The following ARID3A variants were observed in gnomAD, a reference collection of about 807,000 sequenced individuals.
The protein encoded by ARID3A is AT-rich interactive domain-containing protein 3A.
ARID3A carries 11 observed loss-of-function variants against 52.7 expected under a neutral mutation model. The ratio of observed to expected loss-of-function variants is 0.21; its 90% CI spans 0.13 to 0.35. The LOEUF (loss-of-function observed/expected upper bound fraction) is 0.35, where lower values mean the gene tolerates loss of function less well. ARID3A is among the 10% of genes least tolerant of loss of function. The pLI, the probability that ARID3A is intolerant of heterozygous loss-of-function variation, is 1.00. For missense variants in ARID3A, 721 were observed against 838.5 expected (o/e 0.86, Z 1.73); for synonymous variants, 404 against 359.4 (o/e 1.12, Z -1.40).
At chr19:951,449 C>T (rs746022927) in intron 3 of ARID3A, among the ~76,000 whole-genome samples, 7 of 151,826 alleles carry the variant, frequency 4.6e-5, no homozygotes, top group Admixed American at 6.6e-5. Context: ...CCCACCTAAT[C>T]GGGAGGCTGA....
chr19:938,954 G>A lies in ARID3A; in HGVS notation c.693+6212G>A, dbSNP rs1370798124. ...TCTTTTTTTTTTTTTTTTTTGAGAC[G>A]GAGTCTTGTTTTGTCACCCAGGCTG... On this transcript the variant is annotated intron_variant, in intron 3 of 8. Transcript: ENST00000263620. The surrounding 1 kb of genome is among the most constrained non-coding windows in gnomAD (Gnocchi z 4.0). Among the ~76,000 whole-genome samples, 1 of 137,426 alleles carries A rather than the reference G, an allele frequency of 7.3e-6. No individual in the cohort carries two copies. Among genetic ancestry groups the A allele is most frequent in the South Asian group, 2.3e-4 (1 of 4,392 alleles). 90.2% of individuals were successfully genotyped at this position (137,426 alleles called of 152,430 possible). A position where few individuals can be genotyped will look rare whatever the true frequency, so the allele number is the denominator to read the frequency against.
chr19:956,834 A>C (rs1029205054), intron 3 of ARID3A: 2 of 152,310 alleles, frequency 1.3e-5, no homozygotes, highest in African/African-American at 4.8e-5. Context: ...CTGCAGGGTG[A>C]TGGGGCCTTT....
rs1442217616 is a variant in ARID3A at position 954,817 on chromosome 19, C to T, written c.694-5275C>T. On this transcript the variant is annotated intron_variant, in intron 3 of 8. Transcript: ENST00000263620. ...AACAGCCGGGGCGAAGGCGGCCGCT[C>T]GGGGCTGATGGGGGGCGGTGGGGGT... Among the ~76,000 whole-genome samples, 40 of 111,542 alleles carry T rather than the reference C, an allele frequency of 3.6e-4. No homozygotes were observed. The Admixed American group carries it at 3.7e-3, about 10-fold the overall frequency. The allele number at this position is 111,542 out of a possible 152,430, so 73.2% of individuals were successfully genotyped here.
chr19:962,298 C>T (rs538714141), intron 4 of ARID3A, among the ~76,000 whole-genome samples: 1 of 152,088 alleles, frequency 6.6e-6, no homozygotes, highest in Non-Finnish European at 1.5e-5. Flanking sequence ...TCTCTGGGGG[C>T]TAGAAGTGAG....
At chr19:928,520 T>C (rs2037248080) in intron 1 of ARID3A, 1 of 152,016 alleles carries the variant, frequency 6.6e-6, no homozygotes. Flanking sequence ...CGTGGGAGGC[T>C]CTGTGGTCAC....
chr19:945,529 G>A (rs1243536040), intron 3 of ARID3A, among the ~76,000 whole-genome samples: 2 of 152,164 alleles, frequency 1.3e-5, no homozygotes, highest in Non-Finnish European at 2.9e-5. Context: ...TGACTCCTCC[G>A]AGGCTGCTGC....
chr19:929,202 A>C lies in ARID3A; in HGVS notation c.-267-60A>C. 6 of 169,750 alleles carry C rather than the reference A, an allele frequency of 3.5e-5. No homozygotes were observed. The highest frequency in any genetic ancestry group is 1.4e-4 in the East Asian group (1 of 7,352). The allele number at this position is 169,750 out of a possible 1,614,324, so 10.5% of individuals were successfully genotyped here. ...CTGATCCCCAGGGCCTTCATGGGGA[A>C]GGAAGGAGGGGGCTTGAGGAGCTCA... On this transcript the variant is annotated intron_variant, in intron 1 of 8. Coordinates refer to ENST00000263620, the MANE Select transcript of ARID3A (RefSeq NM_005224.3). The surrounding 1 kb of genome is among the most constrained non-coding windows in gnomAD (Gnocchi z 6.2).
intron 3 of ARID3A, among the ~76,000 whole-genome samples, chr19:948,358 T>C (rs2238576): frequency 0.24 from 36,535 of 151,966 alleles, 5,426 homozygotes; most frequent in East Asian, 0.5. Flanking sequence ...TCAGCTCTGC[T>C]GCCTCTGTCA....
At chr19:927,949 G>C (rs1224608042) in intron 1 of ARID3A, among the ~76,000 whole-genome samples, 1 of 152,168 alleles carries the variant, frequency 6.6e-6, no homozygotes. Flanking sequence ...TCTGGGTAAA[G>C]GGTGTCTAGG....
rs1433264132 is a variant in ARID3A, at chr19:964,862, G to A, written c.980G>A (p.Cys327Tyr). 1 of 1,614,008 alleles carries A rather than the reference G, an allele frequency of 6.2e-7. No individual in the cohort carries two copies. Among genetic ancestry groups the A allele is most frequent in the Non-Finnish European group, 8.5e-7 (1 of 1,180,002 alleles). The change falls in exon 6 of 9, where the codon TGT (cysteine) becomes TAT (tyrosine). Residue 327 changes from cysteine to tyrosine, a missense_variant. By Grantham distance (194) the Cys-to-Tyr change is radical. This residue lies in a region of ARID3A where 43 missense variants were observed against 143.7 expected (regional missense o/e 0.30). Transcript: ENST00000263620. This position sits in a 1 kb window ranked among gnomAD's most constrained non-coding sequence, Gnocchi z 5.7. ...QYMKYLYPYE[C>Y]EKRGLSNPNE... ...ATGAAGTACCTGTACCCCTACGAGT[G>A]TGAGAAGCGGGGCCTCAGTAACCCC... is the stretch of plus-strand genomic sequence containing the variant.
chr19:954,996 C>T (rs1039708278), intron 3 of ARID3A, among the ~76,000 whole-genome samples: 1 of 152,194 alleles, frequency 6.6e-6, no homozygotes, highest in Non-Finnish European at 1.5e-5. Context: ...TGCCCAATCT[C>T]CAGCCTGGGT....
intron 3 of ARID3A, among the ~76,000 whole-genome samples, chr19:956,241 G>A (rs985609552): frequency 3.9e-5 from 6 of 152,254 alleles, no homozygotes; most frequent in African/African-American, 1.4e-4. Context: ...TGGCAAGCTC[G>A]TCCTGTCCCC....
rs1326312666 is a variant in ARID3A at position 975,765 on chromosome 19, A to G, written c.*3700A>G. The G allele has an allele frequency of 2.0e-4, 5 of 25,096 alleles. No individual in the cohort carries two copies. The highest frequency in any genetic ancestry group is 1.3e-3 in the East Asian group (5 of 3,766). The allele number at this position is 25,096 out of a possible 1,614,324, so 1.6% of individuals were successfully genotyped here. ...AAAAAAAAAAAAGACAAAAAGACCA[A>G]AAAAAAAAAAAAGTGTGATTTTGAA... is the stretch of plus-strand genomic sequence containing the variant. On this transcript the variant is annotated 3_prime_UTR_variant, in exon 9 of 9. Coordinates refer to ENST00000263620, the MANE Select transcript of ARID3A (RefSeq NM_005224.3).
rs143689585 is a variant in ARID3A, at chr19:971,974, G to T, written c.1691G>T (p.Arg564Leu). The T allele has an allele frequency of 3.1e-6, 5 of 1,602,292 alleles. No homozygotes were observed. The African/African-American group carries it at 4.1e-5, about 13-fold the overall frequency. The change falls in exon 9 of 9, where the codon CGG becomes CTG. Residue 564 changes from arginine (R) to leucine (L), a missense_variant. Arg to Leu is a moderately radical substitution (Grantham distance 102). Around this residue, in one of 5 missense-constraint regions of ARID3A, gnomAD observed 297 missense variants for 343.2 expected, o/e 0.87. Coordinates refer to ENST00000263620, the MANE Select transcript of ARID3A (RefSeq NM_005224.3). Reference sequence around the variant, plus strand: ...GGCAGCAGCAGCAACGCAGGCGGCCGGGGAGGAAACACCGGAACCAGCGGC... The same window carrying T: ...GGCAGCAGCAGCAACGCAGGCGGCCTGGGAGGAAACACCGGAACCAGCGGC... ...GGGSSSNAGG[R>L]GGNTGTSGGQ...
At position 950,911 on chromosome 19, in the gene ARID3A, C is replaced by T. The variant is rs185433972; in HGVS notation, c.694-9181C>T. On this transcript the variant is annotated intron_variant, in intron 3 of 8. Transcript: ENST00000263620. ...GATCTCAGCTCACCACAACCTCTGC[C>T]TCCCGGGTTCAAACTATTCTCCTGC... Among the ~76,000 whole-genome samples, 263 of 152,214 alleles carry T rather than the reference C, an allele frequency of 1.7e-3. 2 individuals carry two copies. Among genetic ancestry groups the T allele is most frequent in the Middle Eastern group, 3.4e-3 (1 of 294 alleles).
At position 932,586 on chromosome 19, in the gene ARID3A, A is replaced by G. The variant is rs961966428; in HGVS notation, c.537A>G (p.Pro179=). 4.0e-6 allele frequency: 6 copies of G among 1,507,804 alleles called. No individual in the cohort carries two copies. The highest frequency in any genetic ancestry group is 2.0e-4 in the Middle Eastern group (1 of 5,116). 93.4% of individuals were successfully genotyped at this position (1,507,804 alleles called of 1,614,324 possible). ...CACTGTTCCCCCGAAAGGCCCAGCCACCCCAGGCCTTCCGCGGCGATGGCG... is the reference window on the plus strand; with the variant it reads ...CACTGTTCCCCCGAAAGGCCCAGCCGCCCCAGGCCTTCCGCGGCGATGGCG... The part of the protein sequence containing the change: ...TTALFPRKAQ[P]PQAFRGDGVP... The change falls in exon 3 of 9, where the codon CCA becomes CCG. Residue 179 remains proline (P), a synonymous_variant. Coordinates refer to ENST00000263620, the MANE Select transcript of ARID3A (RefSeq NM_005224.3).
At chr19:950,515 G>T (rs1306488689) in intron 3 of ARID3A, among the ~76,000 whole-genome samples, 2 of 125,324 alleles carry the variant, frequency 1.6e-5, no homozygotes, top group African/African-American at 8.3e-5. Context: ...GAGGGGTTCA[G>T]GGGGAGCAGC....
At chr19:949,523 C>T (rs1027477268) in intron 3 of ARID3A, among the ~76,000 whole-genome samples, 5 of 152,048 alleles carry the variant, frequency 3.3e-5, no homozygotes, top group Admixed American at 2.6e-4. Flanking sequence ...TCTTTTCCTT[C>T]TTCCTCCAAC....
rs1234538035 is a variant in ARID3A, at chr19:964,778, AAG to A, written c.951-50_951-49del. 4 of 1,576,792 alleles carry A rather than the reference AAG, an allele frequency of 2.5e-6. No homozygotes were observed. In the African/African-American group the frequency reaches 5.4e-5, roughly 21 times the overall value. ...GGGGTTTACTTTGTACTGAAGGCCA[AAG>A]AGAGCCGTAGGGGTGACCCGGGTGC... On this transcript the variant is annotated intron_variant, in intron 5 of 8. Transcript: ENST00000263620. The surrounding 1 kb of genome is among the most constrained non-coding windows in gnomAD (Gnocchi z 5.7).
Sources: gnomAD v4.1 joint callset for allele counts (sites outside exome capture counted in the v4.1 genomes callset) on GRCh38, gnomAD v4.1.1 for gene constraint, gnomAD v4.1.1 regional missense constraint, Gnocchi (gnomAD v3.1) non-coding constraint, MANE v1.5 for transcripts, NCBI Gene and HGNC (gene_info 2026-07-23, HGNC 2026-07-21) for gene names.